NRG2: variants seen among roughly 807,000 people sequenced by gnomAD.
The protein encoded by NRG2 is neuregulin 2.
Under a neutral mutation model 73.9 loss-of-function variants are expected in NRG2, and 27 were observed. That is an observed-to-expected ratio of 0.37 (90% confidence interval 0.27 to 0.50). The LOEUF (loss-of-function observed/expected upper bound fraction) is 0.50. NRG2 is among the 20% of genes least tolerant of loss of function. The pLI is 0.96. For synonymous variants in NRG2, 532 were observed against 541.0 expected (o/e 0.98, Z 0.23); for missense variants, 1,126 against 1,210.1 (o/e 0.93, Z 1.03).
chr5:139,849,781 G>A (rs1333684262), intron 9 of NRG2, among the ~76,000 whole-genome samples: 1 of 152,056 alleles, frequency 6.6e-6, no homozygotes, highest in Non-Finnish European at 1.5e-5. Context: ...TCCCTTCTCC[G>A]GAAGCACACT....
chr5:139,852,674 G>A lies in NRG2; in HGVS notation c.1417-115C>T. On this transcript the variant is annotated intron_variant, in intron 7 of 9. Transcript: ENST00000361474. The surrounding 1 kb of genome is among the most constrained non-coding windows in gnomAD (Gnocchi z 4.4). ...GAGCTCCTGGTTGGGGAGACCCACT[G>A]TGTGAGAGTGACTTGATGTTGGGGC... 2 of 1,479,804 alleles carry A rather than the reference G, an allele frequency of 1.4e-6. No homozygotes were observed. The highest frequency in any genetic ancestry group is 1.3e-5 in the South Asian group (1 of 76,508). The allele number at this position is 1,479,804 out of a possible 1,614,324, so 91.7% of individuals were successfully genotyped here.
rs1757307555 is a variant in NRG2 at position 139,988,039 on chromosome 5, G to C, written c.700+54331C>G. ...TCCGCCTGCCTCGGCCTCCCAAAGT[G>C]CTGGGATTACAGGCGTGAGCCACCA... On this transcript the variant is annotated intron_variant, in intron 1 of 9. Coordinates refer to ENST00000361474, the MANE Select transcript of NRG2 (RefSeq NM_004883.3). 2.0e-5 allele frequency among the ~76,000 whole-genome samples: 3 copies of C among 152,170 alleles called. No individual in the cohort carries two copies. The South Asian group carries it at 6.2e-4, about 32-fold the overall frequency.
chr5:139,885,667 A>G (rs1376249629), intron 2 of NRG2, among the ~76,000 whole-genome samples: 1 of 151,904 alleles, frequency 6.6e-6, no homozygotes, highest in Non-Finnish European at 1.5e-5. Context: ...AGCTGAAGTT[A>G]CCAGAGAAAG....
At chr5:140,017,482 C>G (rs1759884341) in intron 1 of NRG2, among the ~76,000 whole-genome samples, 1 of 152,020 alleles carries the variant, frequency 6.6e-6, no homozygotes, top group Non-Finnish European at 1.5e-5. Context: ...TGGAAGAAAA[C>G]CTCAGAGAGA....
chr5:139,907,459 A>T (rs1171947634), intron 1 of NRG2, among the ~76,000 whole-genome samples: 5 of 152,128 alleles, frequency 3.3e-5, no homozygotes, highest in African/African-American at 7.2e-5. Context: ...CAAGGTAGGT[A>T]GTAGGTACCT....
chr5:139,892,804 C>T (rs763424722), intron 1 of NRG2, among the ~76,000 whole-genome samples: 10 of 152,170 alleles, frequency 6.6e-5, no homozygotes, highest in East Asian at 1.9e-4. Flanking sequence ...TGATCCCTAC[C>T]GCTGCTCCTT....
intron 1 of NRG2, among the ~76,000 whole-genome samples, chr5:139,905,417 TC>T (rs943560000): frequency 1.1e-4 from 17 of 152,282 alleles, no homozygotes; most frequent in African/African-American, 4.1e-4. Flanking sequence ...AGAATCCAAG[TC>T]AAAGATCATC....
In NRG2 at chr5:139,852,699, C is replaced by G. The variant is rs1180739210; in HGVS notation, c.1417-140G>C. 8 of 1,425,388 alleles carry G rather than the reference C, an allele frequency of 5.6e-6. No homozygotes were observed. The highest frequency in any genetic ancestry group is 7.7e-6 in the Non-Finnish European group (8 of 1,044,788). 88.3% of individuals were successfully genotyped at this position (1,425,388 alleles called of 1,614,324 possible). On this transcript the variant is annotated intron_variant, in intron 7 of 9. Transcript: ENST00000361474. The surrounding 1 kb of genome is among the most constrained non-coding windows in gnomAD (Gnocchi z 4.4). The stretch of plus-strand genomic sequence containing the variant: ...GTGTGAGAGTGACTTGATGTTGGGG[C>G]AGCGATGGCTCCAGCAAATCAACCC...
rs532643270 is a variant in NRG2 at position 140,000,057 on chromosome 5, T to TA, written c.700+42312dup. 1.3e-3 allele frequency among the ~76,000 whole-genome samples: 195 copies of TA among 152,250 alleles called. 2 individuals carry two copies. The highest frequency in any genetic ancestry group is 8.7e-3 in the Admixed American group (133 of 15,302). On this transcript the variant is annotated intron_variant, in intron 1 of 9. Coordinates refer to ENST00000361474, the MANE Select transcript of NRG2 (RefSeq NM_004883.3). Reference sequence around the variant, plus strand: ...TGTAATACTCTTAGGTTTTTAATTATAAAAAAACAACATTTGTCTCTTCTA... The same window carrying TA: ...TGTAATACTCTTAGGTTTTTAATTATAAAAAAAACAACATTTGTCTCTTCTA...
intron 1 of NRG2, among the ~76,000 whole-genome samples, chr5:140,040,419 T>C (rs1342145388): frequency 6.6e-6 from 1 of 152,182 alleles, no homozygotes; most frequent in African/African-American, 2.4e-5. Flanking sequence ...TCTTTCATGA[T>C]TTCTGCATTC....
intron 5 of NRG2, 89 bp from the exon 6 acceptor site, chr5:139,855,867 T>A: frequency 1.0e-6 from 1 of 997,442 alleles, no homozygotes; most frequent in Non-Finnish European, 1.6e-6. Context: ...CCCAAAGCCA[T>A]AGGCTCTCCC....
intron 1 of NRG2, among the ~76,000 whole-genome samples, chr5:139,912,088 G>A (rs1328174440): frequency 2.6e-5 from 4 of 152,108 alleles, no homozygotes; most frequent in South Asian, 2.1e-4. Flanking sequence ...CCTCTTGGAT[G>A]GAATTTGCTC....
intron 3 of NRG2, 136 bp from the exon 4 acceptor site, chr5:139,871,977 T>C (rs1268882122): frequency 5.7e-6 from 7 of 1,234,398 alleles, no homozygotes; most frequent in African/African-American, 1.5e-5. Flanking sequence ...GGAGGTCTGG[T>C]GGTCCCTTCT....
At chr5:139,899,856 G>C (rs1164066860) in intron 1 of NRG2, among the ~76,000 whole-genome samples, 2 of 152,214 alleles carry the variant, frequency 1.3e-5, no homozygotes, top group East Asian at 3.8e-4. Flanking sequence ...GACTGAGGCT[G>C]GGCAGGGGGC....
intron 5 of NRG2, 115 bp from the exon 6 acceptor site, chr5:139,855,893 C>T (rs1761776719): frequency 2.7e-6 from 2 of 744,966 alleles, no homozygotes; most frequent in Non-Finnish European, 4.6e-6. Context: ...CAGGTCCTGC[C>T]CAGCTCCTTT....
intron 5 of NRG2, among the ~76,000 whole-genome samples, chr5:139,858,333 G>A (rs1761936081): frequency 6.6e-6 from 1 of 152,164 alleles, no homozygotes; most frequent in Non-Finnish European, 1.5e-5. Context: ...TTGTTTGCAG[G>A]GTTGGCCACT....
chr5:139,962,969 G>A (rs573994614), intron 1 of NRG2, among the ~76,000 whole-genome samples: 2 of 152,292 alleles, frequency 1.3e-5, no homozygotes, highest in Admixed American at 1.3e-4. Context: ...GCCCTCTCTA[G>A]ACCTGAAGGT....
In NRG2 at chr5:139,894,460, A is replaced by T. The variant is rs1199295628; in HGVS notation, c.701-6949T>A. Among the ~76,000 whole-genome samples, 1 of 151,880 alleles carries T rather than the reference A, an allele frequency of 6.6e-6. No homozygotes were observed. Among genetic ancestry groups the T allele is most frequent in the Non-Finnish European group, 1.5e-5 (1 of 67,910 alleles). ...ACTCCAAGTTCAAATGAGAAAGAAA[A>T]AAAAAAAACCCACTAAGCTAAAAAC... On this transcript the variant is annotated intron_variant, in intron 1 of 9. Coordinates refer to ENST00000361474, the MANE Select transcript of NRG2 (RefSeq NM_004883.3). The surrounding 1 kb of genome is among the most constrained non-coding windows in gnomAD (Gnocchi z 5.0).
chr5:139,927,032 T>A (rs1752108952), intron 1 of NRG2, among the ~76,000 whole-genome samples: 1 of 152,228 alleles, frequency 6.6e-6, no homozygotes, highest in South Asian at 2.1e-4. Flanking sequence ...GAAGAAAGGC[T>A]GCCTGGCTCC....
Sources: gnomAD v4.1 joint callset for allele counts (sites outside exome capture counted in the v4.1 genomes callset) on GRCh38, gnomAD v4.1.1 for gene constraint, Gnocchi (gnomAD v3.1) non-coding constraint, MANE v1.5 for transcripts, NCBI Gene and HGNC (gene_info 2026-07-23, HGNC 2026-07-21) for gene names.